Variants in CLIP1 observed in about 807,000 individuals in gnomAD.
The protein encoded by CLIP1 is CAP-Gly domain-containing linker protein 1.
A neutral mutation model predicts 161.6 loss-of-function variants in CLIP1; 66 were observed. The observed-to-expected ratio is 0.41, with a 90% CI of 0.33 to 0.50. The LOEUF (loss-of-function observed/expected upper bound fraction) is 0.50, where lower values mean the gene tolerates loss of function less well. CLIP1 is among the 20% of genes least tolerant of loss of function. CLIP1 has a pLI of 0.27. For synonymous variants in CLIP1, 598 were observed against 626.2 expected (o/e 0.96, Z 0.67); for missense variants, 1,376 against 1,702.0 (o/e 0.81, Z 3.37).
intron 1 of CLIP1, among the ~76,000 whole-genome samples, chr12:122,408,764 G>A (rs942906609): frequency 6.6e-6 from 1 of 151,780 alleles, no homozygotes; most frequent in Admixed American, 6.6e-5. Context: ...CACTGTGCCC[G>A]GCCTATAACC....
intron 1 of CLIP1, among the ~76,000 whole-genome samples, chr12:122,410,415 G>C (rs201071189): frequency 1.6e-5 from 1 of 62,888 alleles, no homozygotes; most frequent in African/African-American, 5.8e-5. Context: ...ATTTATTTAT[G>C]TATACACACA....
At chr12:122,330,070 T>C (rs551445169) in intron 15 of CLIP1, among the ~76,000 whole-genome samples, 1 of 151,616 alleles carries the variant, frequency 6.6e-6, no homozygotes, top group Non-Finnish European at 1.5e-5. Context: ...TGACCCAAGA[T>C]CACACCATCG....
At chr12:122,398,843 C>T (rs565931840) in intron 1 of CLIP1, among the ~76,000 whole-genome samples, 18 of 147,014 alleles carry the variant, frequency 1.2e-4, no homozygotes, top group Admixed American at 1.1e-3. Context: ...GACTTTATCT[C>T]TAAAATCTTT....
chr12:122,369,895 G>T (rs1366987212), intron 3 of CLIP1, among the ~76,000 whole-genome samples: 2 of 151,554 alleles, frequency 1.3e-5, no homozygotes, highest in Non-Finnish European at 1.5e-5. Flanking sequence ...AGGCATGGTG[G>T]CTCACACCTG....
At chr12:122,410,450 C>T (rs909783885) in intron 1 of CLIP1, among the ~76,000 whole-genome samples, 1 of 146,496 alleles carries the variant, frequency 6.8e-6, no homozygotes, top group African/African-American at 2.5e-5. Flanking sequence ...CACACAGACA[C>T]ACACACACTT....
intron 3 of CLIP1, chr12:122,364,685 G>A (rs1384395331): frequency 8.5e-6 from 4 of 472,684 alleles, no homozygotes; most frequent in African/African-American, 4.0e-5. Flanking sequence ...GATTACAGGC[G>A]TGAGCCACCA....
intron 11 of CLIP1, among the ~76,000 whole-genome samples, chr12:122,340,113 TGTCTCCCAGGCTGGAGTGCA>T (rs1952428930): frequency 6.6e-6 from 1 of 151,612 alleles, no homozygotes; most frequent in Non-Finnish European, 1.5e-5. Flanking sequence ...AGTCTTGCTC[TGTCTCCCAGGCTGGAGTGCA>T]GTGGAATAAT....
At chr12:122,318,094 T>C (rs12824925) in intron 18 of CLIP1, among the ~76,000 whole-genome samples, 34,222 of 152,220 alleles carry the variant, frequency 0.22, 4,971 homozygotes, top group East Asian at 0.62. Context: ...TTATTTATCA[T>C]ATCATTACCT....
intron 5 of CLIP1, among the ~76,000 whole-genome samples, chr12:122,360,618 C>A (rs1266953161): frequency 2.0e-5 from 3 of 151,900 alleles, no homozygotes; most frequent in Admixed American, 1.3e-4. Flanking sequence ...AAGGATCTCT[C>A]CAATGTTCCT....
Position 122,299,620 on chromosome 12 carries a change from A to AAACAAAC in CLIP1, c.3594+10141_3594+10142insGTTTGTT, listed in dbSNP as rs1385992279. Among the ~76,000 whole-genome samples the AAACAAAC allele has an allele frequency of 5.3e-3, 784 of 148,438 alleles. 41 individuals carry two copies. The highest frequency in any genetic ancestry group is 0.019 in the African/African-American group (743 of 39,754). ...TTAAAGAATAAATTCAGCAAAAAAA[A>AAACAAAC]AAAAAAAAAAAAGATGCCGGGCGCG... On this transcript the variant is annotated intron_variant, in intron 20 of 25. Coordinates refer to ENST00000620786, the MANE Select transcript of CLIP1 (RefSeq NM_001247997.2).
At chr12:122,415,036 C>T (rs940144107) in intron 1 of CLIP1, among the ~76,000 whole-genome samples, 3 of 151,646 alleles carry the variant, frequency 2.0e-5, no homozygotes, top group East Asian at 2.0e-4. Flanking sequence ...CCAGCCTCGG[C>T]GACGGAGTGA....
At chr12:122,349,689 C>T (rs1445454946) in intron 9 of CLIP1, among the ~76,000 whole-genome samples, 3 of 152,126 alleles carry the variant, frequency 2.0e-5, no homozygotes, top group Non-Finnish European at 2.9e-5. Flanking sequence ...GAGGAAAGTC[C>T]TGGGACAGGG....
chr12:122,409,620 C>T (rs1256992085), intron 1 of CLIP1, among the ~76,000 whole-genome samples: 3 of 152,024 alleles, frequency 2.0e-5, no homozygotes, highest in Admixed American at 6.6e-5. Context: ...CAACCTCTGC[C>T]TCCCAGGTTC....
intron 17 of CLIP1, chr12:122,324,346 T>C (rs188736978): frequency 6.6e-6 from 1 of 152,656 alleles, no homozygotes; most frequent in Non-Finnish European, 1.5e-5. Context: ...TTAGTTCAAT[T>C]TCTTTTTTGG....
At chr12:122,398,942 CAA>C (rs34091651) in intron 1 of CLIP1, among the ~76,000 whole-genome samples, 1 of 105,768 alleles carries the variant, frequency 9.5e-6, no homozygotes, top group African/African-American at 3.7e-5. Flanking sequence ...ACCAGATATC[CAA>C]AAAAAAAAAA....
chr12:122,341,246 G>A lies in CLIP1; in HGVS notation c.1958C>T (p.Thr653Met), dbSNP rs140672946. Reference protein sequence around the residue: ...VSFSKGLGTETAEFAELKTQI... With the variant: ...VSFSKGLGTEMAEFAELKTQI... ...TGTTTTTAGTTCAGCAAATTCTGCC[G>A]TCTCTGTTCCAAGCCCTTTGCTGAA... The change falls in exon 11 of 26, where the codon ACG becomes ATG. Residue 653 changes from threonine (T) to methionine (M), a missense_variant. Thr to Met is a moderately conservative substitution (Grantham distance 81, BLOSUM62 -1). Around this residue, in one of 6 missense-constraint regions of CLIP1, gnomAD observed 948 missense variants for 1,134.8 expected, o/e 0.84. Transcript: ENST00000620786. 135 of 1,613,292 alleles carry A rather than the reference G, an allele frequency of 8.4e-5. No homozygotes were observed. Among genetic ancestry groups the A allele is most frequent in the African/African-American group, 1.7e-4 (13 of 74,862 alleles).
intron 17 of CLIP1, among the ~76,000 whole-genome samples, chr12:122,321,133 TA>T (rs1951484660): frequency 6.6e-6 from 1 of 152,124 alleles, no homozygotes; most frequent in African/African-American, 2.4e-5. Context: ...CCTATCCAAT[TA>T]TCAGCCATGA....
Position 122,284,401 on chromosome 12 carries a change from G to A in CLIP1, c.3647+4088C>T, listed in dbSNP as rs559528141. 5.9e-5 allele frequency among the ~76,000 whole-genome samples: 9 copies of A among 151,340 alleles called. No individual in the cohort carries two copies. In the South Asian group the frequency reaches 1.7e-3, roughly 28 times the overall value. ...GAGTTTTGCTCTTGTTGCCCAGGCTGGAGTGCAATGGCGCGATCTCGGCGC... is the reference window on the plus strand; with the variant it reads ...GAGTTTTGCTCTTGTTGCCCAGGCTAGAGTGCAATGGCGCGATCTCGGCGC... On this transcript the variant is annotated intron_variant, in intron 21 of 25. Transcript: ENST00000620786.
At chr12:122,378,533 G>C (rs1954853080) in intron 2 of CLIP1, among the ~76,000 whole-genome samples, 1 of 152,158 alleles carries the variant, frequency 6.6e-6, no homozygotes. Context: ...ATTAGAAAAA[G>C]TCAAAGTAAG....
Sources: gnomAD v4.1 joint callset for allele counts (sites outside exome capture counted in the v4.1 genomes callset) on GRCh38, gnomAD v4.1.1 for gene constraint, gnomAD v4.1.1 regional missense constraint, MANE v1.5 for transcripts, NCBI Gene and HGNC (gene_info 2026-07-23, HGNC 2026-07-21) for gene names.